Variants in AUTS2 observed in about 807,000 individuals in gnomAD.
AUTS2 encodes autism susceptibility gene 2 protein.
A neutral mutation model predicts 112.4 loss-of-function variants in AUTS2; 17 were observed. The observed-to-expected ratio is 0.15, with a 90% CI of 0.10 to 0.23. The LOEUF is 0.23. Ranked by LOEUF, AUTS2 falls within the 10% of genes least tolerant of loss-of-function variation. AUTS2 has a pLI of 1.00. For missense variants in AUTS2, 1,510 were observed against 1,701.6 expected (o/e 0.89, Z 1.98); for synonymous variants, 751 against 702.7 (o/e 1.07, Z -1.09).
chr7:70,754,121 G>A (rs34452361), intron 6 of AUTS2, among the ~76,000 whole-genome samples: 4 of 151,988 alleles, frequency 2.6e-5, no homozygotes, highest in South Asian at 2.1e-4. Context: ...AGATCGCGCC[G>A]CTGCACTCCA....
In AUTS2 at chr7:70,279,181, C is replaced by G. The variant is rs1788085245; in HGVS notation, c.660+144610C>G. Among the ~76,000 whole-genome samples the G allele has an allele frequency of 3.9e-5, 6 of 152,258 alleles. No homozygotes were observed. In the South Asian group the frequency reaches 1.2e-3, roughly 32 times the overall value. On this transcript the variant is annotated intron_variant, in intron 4 of 18. Transcript: ENST00000342771. ...ATGATATTCTGAAATCGGAAAGTTT[C>G]TGCCTTTTGCAGCTTATTTGATGGG... is the stretch of plus-strand genomic sequence containing the variant.
At chr7:70,282,938 T>TA (rs957892069) in intron 4 of AUTS2, among the ~76,000 whole-genome samples, 8 of 152,140 alleles carry the variant, frequency 5.3e-5, no homozygotes, top group Admixed American at 4.6e-4. Flanking sequence ...TTTATGCTAT[T>TA]AAAAAAATCA....
At chr7:70,354,547 T>C (rs771652691) in intron 4 of AUTS2, among the ~76,000 whole-genome samples, 5 of 152,164 alleles carry the variant, frequency 3.3e-5, no homozygotes, top group Non-Finnish European at 7.3e-5. Flanking sequence ...GATGAGCAAT[T>C]TGAAGACTAA....
chr7:70,311,845 T>G (rs1356480551), intron 4 of AUTS2, among the ~76,000 whole-genome samples: 1 of 152,152 alleles, frequency 6.6e-6, no homozygotes, highest in Non-Finnish European at 1.5e-5. Flanking sequence ...GCTTCCCAAG[T>G]AGCTGGGACT....
At chr7:70,210,989 G>A (rs1376446658) in intron 4 of AUTS2, among the ~76,000 whole-genome samples, 1 of 152,136 alleles carries the variant, frequency 6.6e-6, no homozygotes, top group African/African-American at 2.4e-5. Context: ...GGGAGGAAGG[G>A]TAGGAAAAAC....
At chr7:70,034,648 A>T (rs563487412) in intron 2 of AUTS2, among the ~76,000 whole-genome samples, 1 of 152,294 alleles carries the variant, frequency 6.6e-6, no homozygotes, top group East Asian at 1.9e-4. Context: ...TGTTCTACCA[A>T]TAGTCTTGTA....
intron 4 of AUTS2, among the ~76,000 whole-genome samples, chr7:70,193,507 G>A (rs902672936): frequency 2.0e-5 from 3 of 152,112 alleles, no homozygotes; most frequent in Admixed American, 6.6e-5. Context: ...GTTTAGAGAC[G>A]TAAAGTAAAG....
At position 70,346,396 on chromosome 7, in the gene AUTS2, C is replaced by T. The variant is rs113909993; in HGVS notation, c.661-89356C>T. Among the ~76,000 whole-genome samples the T allele has an allele frequency of 2.6e-4, 40 of 152,284 alleles. 2 individuals carry two copies. Among genetic ancestry groups the T allele is most frequent in the African/African-American group, 9.1e-4 (38 of 41,550 alleles). Reference sequence around the variant, plus strand: ...AGCTTTCAGTGCTGCGATCTGAGGCCAGTCTGATCTGACACCCTCTTAAAG... The same window carrying T: ...AGCTTTCAGTGCTGCGATCTGAGGCTAGTCTGATCTGACACCCTCTTAAAG... On this transcript the variant is annotated intron_variant, in intron 4 of 18. Transcript: ENST00000342771.
chr7:70,737,149 A>G (rs966381889), intron 6 of AUTS2, among the ~76,000 whole-genome samples: 4 of 152,264 alleles, frequency 2.6e-5, no homozygotes, highest in African/African-American at 9.6e-5. Context: ...TGGAAAAAGC[A>G]GGGACCTAGA....
intron 5 of AUTS2, among the ~76,000 whole-genome samples, chr7:70,600,488 C>T (rs1002483492): frequency 2.0e-5 from 3 of 152,176 alleles, no homozygotes; most frequent in African/African-American, 7.2e-5. Flanking sequence ...GTTGGCCAGA[C>T]TGGTCTCAAA....
intron 1 of AUTS2, among the ~76,000 whole-genome samples, chr7:69,783,631 G>T (rs1269184984): frequency 6.6e-6 from 1 of 152,130 alleles, no homozygotes; most frequent in Non-Finnish European, 1.5e-5. Context: ...AATAAAATGA[G>T]GGCAAAGGAA....
chr7:70,225,441 A>T (rs1811712883), intron 4 of AUTS2, among the ~76,000 whole-genome samples: 1 of 152,150 alleles, frequency 6.6e-6, no homozygotes, highest in Non-Finnish European at 1.5e-5. Flanking sequence ...CATTCTGCCT[A>T]AAGGAGAACT....
chr7:70,454,634 C>T (rs1195546920), intron 5 of AUTS2, among the ~76,000 whole-genome samples: 2 of 152,180 alleles, frequency 1.3e-5, no homozygotes, highest in East Asian at 3.8e-4. Flanking sequence ...GTGACTCACA[C>T]CTGTAATCCC....
intron 5 of AUTS2, among the ~76,000 whole-genome samples, chr7:70,514,472 G>A (rs907902877): frequency 1.3e-5 from 2 of 152,362 alleles, no homozygotes; most frequent in Admixed American, 1.3e-4. Context: ...TATCACAGGG[G>A]AAGAGAGGGA....
intron 1 of AUTS2, among the ~76,000 whole-genome samples, chr7:69,852,054 A>G (rs185695070): frequency 1.1e-3 from 170 of 152,224 alleles, no homozygotes; most frequent in Non-Finnish European, 1.9e-3. Flanking sequence ...TCTTGTTCCA[A>G]ATCTGAAGTG....
At chr7:70,734,619 C>A (rs1296401892) in intron 6 of AUTS2, among the ~76,000 whole-genome samples, 2 of 152,016 alleles carry the variant, frequency 1.3e-5, no homozygotes, top group African/African-American at 4.8e-5. Context: ...AGTTATCTGG[C>A]ATCTTATCTG....
intron 4 of AUTS2, among the ~76,000 whole-genome samples, chr7:70,287,812 C>CA (rs1358356994): frequency 0.019 from 2,219 of 119,028 alleles, 63 homozygotes; most frequent in East Asian, 0.15. Flanking sequence ...TATGTCTTCT[C>CA]AAAAAAAAAA....
intron 1 of AUTS2, among the ~76,000 whole-genome samples, chr7:69,670,364 A>T (rs1486966363): frequency 6.6e-6 from 1 of 152,128 alleles, no homozygotes; most frequent in African/African-American, 2.4e-5. Context: ...AATTTGTAGC[A>T]GAGGGGAAAA....
intron 4 of AUTS2, among the ~76,000 whole-genome samples, chr7:70,193,678 G>A (rs932671956): frequency 5.3e-5 from 8 of 152,182 alleles, no homozygotes; most frequent in Admixed American, 5.2e-4. Flanking sequence ...GTAAAGAAAT[G>A]TTAATCCCTG....
Sources: gnomAD v4.1 joint callset for allele counts (sites outside exome capture counted in the v4.1 genomes callset) on GRCh38, gnomAD v4.1.1 for gene constraint, MANE v1.5 for transcripts, NCBI Gene and HGNC (gene_info 2026-07-23, HGNC 2026-07-21) for gene names.